The following EIF4E2 variants were observed in gnomAD, a reference collection of about 807,000 sequenced individuals.
The protein encoded by EIF4E2 is eukaryotic translation initiation factor 4E type 2.
EIF4E2 carries 13 observed loss-of-function variants against 34.2 expected under a neutral mutation model. The observed-to-expected ratio is 0.38, with a 90% CI of 0.25 to 0.60. The LOEUF (loss-of-function observed/expected upper bound fraction) is 0.60, where lower values mean the gene tolerates loss of function less well. EIF4E2 is among the 20% of genes least tolerant of loss of function. EIF4E2 has a pLI of 0.62. For synonymous variants in EIF4E2, 100 were observed against 106.6 expected (o/e 0.94, Z 0.38); for missense variants, 222 against 315.1 (o/e 0.70, Z 2.24).
At chr2:232,562,608 A>G (rs777000628) in intron 3 of EIF4E2, among the ~76,000 whole-genome samples, 1 of 152,052 alleles carries the variant, frequency 6.6e-6, no homozygotes, top group Non-Finnish European at 1.5e-5. Context: ...CAAACAAAAA[A>G]AAGATTGTGC....
intron 2 of EIF4E2, chr2:232,556,737 G>C: frequency 1.9e-6 from 1 of 533,770 alleles, no homozygotes; most frequent in South Asian, 2.1e-5. Context: ...TTGAGATGCT[G>C]CCTTGCTTTC....
chr2:232,567,395 C>G (rs1414900232), intron 6 of EIF4E2, 181 bp downstream of exon 6: 1 of 1,420,020 alleles, frequency 7.0e-7, no homozygotes, highest in African/African-American at 1.5e-5. Flanking sequence ...CTCCCTGCCA[C>G]CTATACTACC....
intron 3 of EIF4E2, among the ~76,000 whole-genome samples, chr2:232,560,831 T>C (rs1071997): frequency 0.31 from 46,459 of 152,142 alleles, 7,632 homozygotes; most frequent in Admixed American, 0.41. Context: ...TTGTTTAGTT[T>C]GCCAGTGCTA....
chr2:232,561,591 A>G (rs1273746920), intron 3 of EIF4E2, among the ~76,000 whole-genome samples: 1 of 152,268 alleles, frequency 6.6e-6, no homozygotes, highest in Non-Finnish European at 1.5e-5. Context: ...ATAAATAATT[A>G]CATTATGAAT....
At chr2:232,557,798 G>T in intron 2 of EIF4E2, 86 bp from the exon 3 acceptor site, 1 of 1,447,882 alleles carries the variant, frequency 6.9e-7, no homozygotes. Flanking sequence ...TTGTGGAGGT[G>T]GTAAGGATTG....
In EIF4E2 at chr2:232,556,447, C is replaced by A; in HGVS notation, c.52C>A (p.Gln18Lys). The A allele has an allele frequency of 6.2e-7, 1 of 1,613,764 alleles. No homozygotes were observed. The highest frequency in any genetic ancestry group is 1.1e-5 in the South Asian group (1 of 90,986). The change falls in exon 2 of 7, where the codon CAG becomes AAG. Residue 18 changes from glutamine (Q) to lysine (K), a missense_variant. This residue lies in a region of EIF4E2 where 87 missense variants were observed against 93.6 expected (regional missense o/e 0.93). Transcript: ENST00000258416. Reference protein sequence around the residue: ...LKDDDSGDHDQNEENSTQKDG... With the variant: ...LKDDDSGDHDKNEENSTQKDG... Reference sequence around the variant, plus strand: ...AGATGATGACAGTGGGGACCATGATCAGAATGAAGAAAACAGCACACAGAA... The same window carrying A: ...AGATGATGACAGTGGGGACCATGATAAGAATGAAGAAAACAGCACACAGAA...
intron 2 of EIF4E2, among the ~76,000 whole-genome samples, chr2:232,556,956 A>G (rs1239803427): frequency 6.6e-6 from 1 of 152,254 alleles, no homozygotes; most frequent in East Asian, 1.9e-4. Context: ...TCCTTGAAAT[A>G]TCAAAGCAGG....
chr2:232,567,400 A>G (rs1326742771), intron 6 of EIF4E2, 186 bp downstream of exon 6: 2 of 1,414,050 alleles, frequency 1.4e-6, no homozygotes, highest in Non-Finnish European at 1.8e-6. Flanking sequence ...TGCCACCTAT[A>G]CTACCAGGTG....
rs755792001 is a variant in EIF4E2, at chr2:232,568,997, C to T, written c.718C>T (p.Pro240Ser). 6 of 1,614,084 alleles carry T rather than the reference C, an allele frequency of 3.7e-6. No homozygotes were observed. Among genetic ancestry groups the T allele is most frequent in the Admixed American group, 1.7e-5 (1 of 60,002 alleles). Reference sequence around the variant, plus strand: ...GCTCCTTTTTCAAAACCTCTGGAAGCCGCGGTTGAATGTGCCATGACCCTC... The same window carrying T: ...GCTCCTTTTTCAAAACCTCTGGAAGTCGCGGTTGAATGTGCCATGACCCTC... ...QRLLFQNLWKPRLNVP is the reference protein window; with the variant it reads ...QRLLFQNLWKSRLNVP The change falls in exon 7 of 7, where the codon CCG (proline) becomes TCG (serine). Residue 240 changes from proline (P) to serine (S), a missense_variant. Around this residue, in one of 3 missense-constraint regions of EIF4E2, gnomAD observed 30 missense variants for 26.3 expected, o/e 1.14. Coordinates refer to ENST00000258416, the MANE Select transcript of EIF4E2 (RefSeq NM_004846.4).
At chr2:232,580,133 C>CACACAT (rs1693314491) in intron 6 of EIF4E2, among the ~76,000 whole-genome samples, 8 of 140,490 alleles carry the variant, frequency 5.7e-5, no homozygotes, top group Admixed American at 5.7e-4. Context: ...CACACACACA[C>CACACAT]TTTCAAGAAT....
intron 1 of EIF4E2, among the ~76,000 whole-genome samples, chr2:232,551,465 G>C (rs1462599054): frequency 6.6e-6 from 1 of 152,190 alleles, no homozygotes; most frequent in Non-Finnish European, 1.5e-5. Flanking sequence ...TGTATCTTGA[G>C]GTAGAATATG....
intron 6 of EIF4E2, 75 bp from the exon 7 acceptor site, chr2:232,568,870 G>T: frequency 6.3e-7 from 1 of 1,598,334 alleles, no homozygotes; most frequent in Non-Finnish European, 8.5e-7. Flanking sequence ...CCCTCTTTGA[G>T]ACCCAGATGC....
intron 1 of EIF4E2, among the ~76,000 whole-genome samples, chr2:232,551,826 T>TGGA (rs1692343842): frequency 6.6e-6 from 1 of 152,216 alleles, no homozygotes; most frequent in Non-Finnish European, 1.5e-5. Context: ...CAGGGAATAC[T>TGGA]GGATTTCCAA....
In EIF4E2 at chr2:232,567,488, T is replaced by G. The variant is rs909495082; in HGVS notation, c.665+274T>G. The G allele has an allele frequency of 3.0e-4, 390 of 1,283,564 alleles. 1 individual carries two copies. The highest frequency in any genetic ancestry group is 5.8e-4 in the Middle Eastern group (2 of 3,420). The allele number at this position is 1,283,564 out of a possible 1,614,324, so 79.5% of individuals were successfully genotyped here. Reference sequence around the variant, plus strand: ...TGCTTAATTTCTACAGGCTGTCTTGTCTTTCATATGCTAACCACTATCTTA... The same window carrying G: ...TGCTTAATTTCTACAGGCTGTCTTGGCTTTCATATGCTAACCACTATCTTA... On this transcript the variant is annotated intron_variant, in intron 6 of 6. Transcript: ENST00000258416.
intron 3 of EIF4E2, among the ~76,000 whole-genome samples, chr2:232,562,219 G>GATGA (rs35596170): frequency 3.3e-5 from 5 of 151,382 alleles, no homozygotes; most frequent in Middle Eastern, 3.4e-3. Flanking sequence ...CATCTCAAAT[G>GATGA]ATGAATGAAT....
At chr2:232,575,740 TA>T (rs1693196307) in intron 6 of EIF4E2, among the ~76,000 whole-genome samples, 3 of 152,228 alleles carry the variant, frequency 2.0e-5, no homozygotes, top group African/African-American at 4.8e-5. Context: ...ATTTTTAGGC[TA>T]AAAAATAGTA....
At chr2:232,574,121 G>A (rs1016545591), downstream of EIF4E2, 7 of 856,884 alleles carry the variant, frequency 8.2e-6, no homozygotes, top group South Asian at 2.9e-5. Context: ...GTGGGACCTC[G>A]CTGCTCTGCT....
intron 6 of EIF4E2, chr2:232,580,753 T>C: frequency 1.5e-6 from 1 of 683,550 alleles, no homozygotes; most frequent in Non-Finnish European, 2.4e-6. Context: ...TGGGTTGCCG[T>C]TTTGGCATTA....
At chr2:232,579,962 C>T (rs1693305726) in intron 6 of EIF4E2, among the ~76,000 whole-genome samples, 1 of 152,018 alleles carries the variant, frequency 6.6e-6, no homozygotes, top group Non-Finnish European at 1.5e-5. Context: ...GTGACAGGAC[C>T]TGCTAGGATG....
Sources: gnomAD v4.1 joint callset for allele counts (sites outside exome capture counted in the v4.1 genomes callset) on GRCh38, gnomAD v4.1.1 for gene constraint, gnomAD v4.1.1 regional missense constraint, MANE v1.5 for transcripts, NCBI Gene and HGNC (gene_info 2026-07-23, HGNC 2026-07-21) for gene names.